Variants in KCNH1 observed in about 807,000 individuals in gnomAD.
The protein encoded by KCNH1 is potassium voltage-gated channel subfamily H member 1, also known as voltage-gated delayed rectifier potassium channel KCNH1.
KCNH1 carries 27 observed loss-of-function variants against 69.2 expected under a neutral mutation model. The observed-to-expected ratio is 0.39, with a 90% CI of 0.29 to 0.54. The LOEUF (loss-of-function observed/expected upper bound fraction) is 0.54, where lower values mean the gene tolerates loss of function less well. Among genes scored for constraint, KCNH1 ranks in the 20% least tolerant of loss-of-function variants. KCNH1 has a pLI of 0.68. For synonymous variants in KCNH1, 456 were observed against 487.7 expected (o/e 0.93, Z 0.86); for missense variants, 798 against 1,261.6 (o/e 0.63, Z 5.57).
Position 210,683,548 on chromosome 1 carries a change from C to T in KCNH1, c.2703G>A (p.Gln901=). The T allele has an allele frequency of 6.2e-7, 1 of 1,614,126 alleles. No homozygotes were observed. Among genetic ancestry groups the T allele is most frequent in the South Asian group, 1.1e-5 (1 of 91,066 alleles). Residue 901 remains glutamine (Q), a synonymous_variant, in exon 11 of 11, where the codon CAG becomes CAA. Transcript: ENST00000271751. The surrounding 1 kb of genome is among the most constrained non-coding windows in gnomAD (Gnocchi z 5.7). ...CCTCTGCCAGGATGGGACTCCGATCCTGGGGACTCCTGGCCTCACCCACGT... is the reference window on the plus strand; with the variant it reads ...CCTCTGCCAGGATGGGACTCCGATCTTGGGGACTCCTGGCCTCACCCACGT... The part of the protein sequence containing the change: ...LDNVGEARSP[Q]DRSPILAEVK...
chr1:211,127,513 A>G (rs186344033), intron 1 of KCNH1, among the ~76,000 whole-genome samples: 6 of 152,254 alleles, frequency 3.9e-5, no homozygotes, highest in East Asian at 1.9e-4. Context: ...ATCATTTACA[A>G]TCGTGTGTGA....
chr1:210,928,992 A>G (rs1687630976), intron 6 of KCNH1, among the ~76,000 whole-genome samples: 1 of 152,200 alleles, frequency 6.6e-6, no homozygotes, highest in South Asian at 2.1e-4. Context: ...AAGATACAGA[A>G]TCTCTGAAGA....
intron 7 of KCNH1, among the ~76,000 whole-genome samples, chr1:210,862,980 T>C (rs12065074): frequency 0.24 from 37,195 of 152,098 alleles, 4,782 homozygotes; most frequent in African/African-American, 0.34. Flanking sequence ...TTGCCCATTC[T>C]AGAAGGTAAG....
intron 7 of KCNH1, among the ~76,000 whole-genome samples, chr1:210,900,903 A>G (rs1206768827): frequency 1.3e-5 from 2 of 152,164 alleles, no homozygotes; most frequent in African/African-American, 4.8e-5. Flanking sequence ...ATAGTCACAC[A>G]CAGCTCACAT....
intron 6 of KCNH1, among the ~76,000 whole-genome samples, chr1:210,992,344 GC>G (rs1688952650): frequency 6.6e-6 from 1 of 152,148 alleles, no homozygotes; most frequent in Non-Finnish European, 1.5e-5. Context: ...GATTCTATCT[GC>G]CAATCTCTGG....
At chr1:210,741,239 C>G (rs189829490) in intron 10 of KCNH1, among the ~76,000 whole-genome samples, 2 of 152,288 alleles carry the variant, frequency 1.3e-5, no homozygotes, top group Admixed American at 1.3e-4. Flanking sequence ...TTGCAAACTT[C>G]TTTATTTTGG....
Position 210,823,427 on chromosome 1 carries a change from T to C in KCNH1, c.1463-19261A>G, listed in dbSNP as rs543010305. ...CAGTGGAACTCAGCTGTAACTGTCT[T>C]TCCCTGAGGCCCATATTGCATTTAG... On this transcript the variant is annotated intron_variant, in intron 7 of 10. Transcript: ENST00000271751. Among the ~76,000 whole-genome samples the C allele has an allele frequency of 2.4e-4, 37 of 152,262 alleles. No individual in the cohort carries two copies. The South Asian group carries it at 7.5e-3, about 31-fold the overall frequency.
chr1:210,739,473 T>A (rs1167758074), intron 10 of KCNH1, among the ~76,000 whole-genome samples: 10 of 152,166 alleles, frequency 6.6e-5, no homozygotes, highest in Admixed American at 5.2e-4. Context: ...CTTTCCTGCC[T>A]TTGAGAGGCC....
chr1:210,836,111 C>CAAA (rs776429016), intron 7 of KCNH1, among the ~76,000 whole-genome samples: 1,593 of 93,180 alleles, frequency 0.017, 59 homozygotes, highest in African/African-American at 0.058. Context: ...GTCTCCGTCT[C>CAAA]AAAAAAAAAA....
chr1:210,996,431 G>A (rs1319951667), intron 6 of KCNH1, among the ~76,000 whole-genome samples: 1 of 152,212 alleles, frequency 6.6e-6, no homozygotes, highest in African/African-American at 2.4e-5. Flanking sequence ...CAGCGAGGCT[G>A]GGGGAGGGGC....
Position 211,133,969 on chromosome 1 carries a change from C to A in KCNH1, c.-24G>T, listed in dbSNP as rs1214866538. 6.2e-7 allele frequency: 1 copy of A among 1,601,020 alleles called. No homozygotes were observed. Among genetic ancestry groups the A allele is most frequent in the Non-Finnish European group, 8.5e-7 (1 of 1,172,002 alleles). On this transcript the variant is annotated 5_prime_UTR_variant, in exon 1 of 11. Transcript: ENST00000271751. The surrounding 1 kb of genome is among the most constrained non-coding windows in gnomAD (Gnocchi z 5.4). ...ATCCTCCCAGCAGCTCGGGGTCCGGCGGGCGTCCTGGCGCGGCTTCTTACG... is the reference window on the plus strand; with the variant it reads ...ATCCTCCCAGCAGCTCGGGGTCCGGAGGGCGTCCTGGCGCGGCTTCTTACG...
intron 7 of KCNH1, among the ~76,000 whole-genome samples, chr1:210,823,414 G>A (rs1684969704): frequency 6.6e-6 from 1 of 152,184 alleles, no homozygotes; most frequent in South Asian, 2.1e-4. Flanking sequence ...GTGGAACTCA[G>A]CTGTAACTGT....
intron 7 of KCNH1, among the ~76,000 whole-genome samples, chr1:210,885,277 G>T (rs1387785931): frequency 6.6e-6 from 1 of 152,184 alleles, no homozygotes; most frequent in Non-Finnish European, 1.5e-5. Context: ...AAGCAGGGTG[G>T]GGCATCACCT....
At chr1:210,876,245 G>T (rs1218216970) in intron 7 of KCNH1, among the ~76,000 whole-genome samples, 2 of 152,130 alleles carry the variant, frequency 1.3e-5, no homozygotes, top group Non-Finnish European at 2.9e-5. Context: ...AATTAAAACA[G>T]TAGATGTGGA....
intron 10 of KCNH1, among the ~76,000 whole-genome samples, chr1:210,705,906 A>G (rs146311463): frequency 2.6e-4 from 39 of 152,328 alleles, no homozygotes; most frequent in African/African-American, 7.0e-4. Context: ...TCCTCTGACT[A>G]TAATCATAAT....
At chr1:211,057,282 G>T (rs1247865956) in intron 5 of KCNH1, among the ~76,000 whole-genome samples, 1 of 152,076 alleles carries the variant, frequency 6.6e-6, no homozygotes, top group African/African-American at 2.4e-5. Context: ...TCAAGCAAAA[G>T]AAAGAAACAG....
chr1:210,841,523 T>C (rs976587540), intron 7 of KCNH1, among the ~76,000 whole-genome samples: 2 of 152,196 alleles, frequency 1.3e-5, no homozygotes, highest in African/African-American at 4.8e-5. Context: ...CTAGATTAAA[T>C]GTAGATATTC....
intron 7 of KCNH1, among the ~76,000 whole-genome samples, chr1:210,918,267 C>T (rs1687388634): frequency 6.6e-6 from 1 of 152,224 alleles, no homozygotes; most frequent in Non-Finnish European, 1.5e-5. Context: ...GTCAGTATAA[C>T]AATTTGTCAA....
At chr1:210,940,236 C>T (rs2102586856) in intron 6 of KCNH1, among the ~76,000 whole-genome samples, 1 of 152,278 alleles carries the variant, frequency 6.6e-6, no homozygotes, top group South Asian at 2.1e-4. Context: ...AAGACACAGC[C>T]AAGAGCTACC....
Sources: allele counts gnomAD v4.1 joint callset (sites outside exome capture counted in the v4.1 genomes callset), GRCh38; gene constraint gnomAD v4.1.1; non-coding constraint Gnocchi (gnomAD v3.1); transcripts MANE v1.5; gene names NCBI Gene and HGNC (gene_info 2026-07-23, HGNC 2026-07-21).